The following SLC35F5 variants were observed in gnomAD, a reference collection of about 807,000 sequenced individuals.
SLC35F5 encodes HCV NS5A-transactivated protein 3.
Under a neutral mutation model 68.6 loss-of-function variants are expected in SLC35F5, and 54 were observed. The ratio of observed to expected loss-of-function variants is 0.79; its 90% CI spans 0.63 to 0.99. SLC35F5 has a LOEUF of 0.99. Ranked by LOEUF, SLC35F5 falls within the 50% of genes least tolerant of loss-of-function variation. The pLI is 0.00. For missense variants in SLC35F5, 567 were observed against 626.9 expected, an observed-to-expected ratio of 0.90 and a Z score of 1.02; for synonymous variants, 211 against 205.2, an observed-to-expected ratio of 1.03 and a Z score of -0.24.
At chr2:113,738,263 C>A (rs1390606585) in intron 7 of SLC35F5, among the ~76,000 whole-genome samples, 2 of 152,132 alleles carry the variant, frequency 1.3e-5, no homozygotes, top group Non-Finnish European at 2.9e-5. Context: ...CATTTCCCTA[C>A]CATTCTACTC....
chr2:113,704,693 CT>C (rs1686764469), downstream of SLC35F5, among the ~76,000 whole-genome samples: 1 of 151,726 alleles, frequency 6.6e-6, no homozygotes, highest in African/African-American at 2.4e-5. Context: ...CTGCCGGCCG[CT>C]CCGAGTGCGG....
intron 7 of SLC35F5, among the ~76,000 whole-genome samples, chr2:113,736,442 C>CAAA (rs761464440): frequency 0.1 from 14,605 of 146,402 alleles, 802 homozygotes; most frequent in Non-Finnish European, 0.13. Context: ...GACCATTTCT[C>CAAA]AAAAAATAAA....
Position 113,755,248 on chromosome 2 carries a change from T to C in SLC35F5, c.190A>G (p.Thr64Ala), listed in dbSNP as rs111569665. ...CCAAGAGCCATTCGCCTGCGCTGAG[T>C]GAAACCACTGTTCTGGGAATTCATT... The part of the protein sequence containing the change: ...NRMNSQNSGF[T>A]QRRRMALGIV... Residue 64 changes from threonine (T) to alanine (A), a missense_variant, in exon 3 of 16, where the codon ACT becomes GCT. Transcript: ENST00000245680. 30 of 1,614,126 alleles carry C rather than the reference T, an allele frequency of 1.9e-5. No individual in the cohort carries two copies. The highest frequency in any genetic ancestry group is 2.5e-5 in the Non-Finnish European group (29 of 1,180,024).
chr2:113,729,518 A>G lies in SLC35F5; in HGVS notation c.986-13T>C, dbSNP rs576539824. The G allele has an allele frequency of 3.4e-6, 5 of 1,455,350 alleles. No individual in the cohort carries two copies. In the African/African-American group the frequency reaches 5.6e-5, roughly 16 times the overall value. The allele number at this position is 1,455,350 out of a possible 1,614,324, so 90.2% of individuals were successfully genotyped here. The stretch of plus-strand genomic sequence containing the variant: ...GACCAAATGGAACCTGTAAAAATGG[A>G]CATGATTTAAAGCAATCACTCATTA... On this transcript the variant is annotated splice_polypyrimidine_tract_variant and intron_variant, in intron 10 of 15. Transcript: ENST00000245680.
rs1687093788 is a variant in SLC35F5 at position 113,714,207 on chromosome 2, CCTTA to C, written c.*1007_*1010del. 6.6e-6 allele frequency: 1 copy of C among 152,042 alleles called. No individual in the cohort carries two copies. Among genetic ancestry groups the C allele is most frequent in the South Asian group, 2.1e-4 (1 of 4,824 alleles). The allele number at this position is 152,042 out of a possible 1,614,324, so 9.4% of individuals were successfully genotyped here. On this transcript the variant is annotated 3_prime_UTR_variant, in exon 16 of 16. Coordinates refer to ENST00000245680, the MANE Select transcript of SLC35F5 (RefSeq NM_025181.5). The stretch of plus-strand genomic sequence containing the variant: ...ATTTTAAAAACAGAATCCCTTCTCG[CCTTA>C]CTTACTTGGTACTTTAACCATTACA...
At chr2:113,728,252 G>C (rs2104428759) in intron 11 of SLC35F5, among the ~76,000 whole-genome samples, 1 of 152,096 alleles carries the variant, frequency 6.6e-6, no homozygotes, top group South Asian at 2.1e-4. Flanking sequence ...TTAGTCTTTA[G>C]GTACAAGTAT....
chr2:113,743,268 C>T (rs1009452900), intron 6 of SLC35F5, among the ~76,000 whole-genome samples: 1 of 152,082 alleles, frequency 6.6e-6, no homozygotes, highest in African/African-American at 2.4e-5. Flanking sequence ...TGGGCAAGCA[C>T]GCAGAACAAT....
Position 113,707,928 on chromosome 2 carries a change from T to C in SLC35F5, c.*7290A>G, listed in dbSNP as rs1686845347. 6.6e-6 allele frequency among the ~76,000 whole-genome samples: 1 copy of C among 152,002 alleles called. No individual in the cohort carries two copies. Among genetic ancestry groups the C allele is most frequent in the Non-Finnish European group, 1.5e-5 (1 of 67,960 alleles). ...ATACTACAATGTATCCTGGCACTTA[T>C]TTTTTTTAAACCATTATCAGATATT... On this transcript the variant is annotated 3_prime_UTR_variant, in exon 16 of 16. Transcript: ENST00000245680.
rs147832436 is a variant in SLC35F5, at chr2:113,725,436, T to C, written c.1192A>G (p.Met398Val). The C allele has an allele frequency of 1.3e-4, 217 of 1,611,548 alleles. No homozygotes were observed. Among genetic ancestry groups the C allele is most frequent in the Non-Finnish European group, 1.7e-4 (206 of 1,179,212 alleles). Reference sequence around the variant, plus strand: ...ATAAGGCCATTAATGATAATGCACATTAATACTACTTTATTGGGAAACTCG... The same window carrying C: ...ATAAGGCCATTAATGATAATGCACACTAATACTACTTTATTGGGAAACTCG... Reference protein sequence around the residue: ...DFEFPNKVVLMCIIINGLIGT... With the variant: ...DFEFPNKVVLVCIIINGLIGT... Residue 398 changes from methionine to valine, a missense_variant, in exon 12 of 16, where the codon ATG becomes GTG. Transcript: ENST00000245680.
chr2:113,740,426 A>G (rs1435038208), intron 7 of SLC35F5, among the ~76,000 whole-genome samples: 2 of 152,216 alleles, frequency 1.3e-5, no homozygotes, highest in Admixed American at 1.3e-4. Flanking sequence ...GAAATGTACT[A>G]TGTAAATTGT....
chr2:113,755,693 A>C, intron 1 of SLC35F5, 149 bp from the exon 2 acceptor site: 1 of 1,045,836 alleles, frequency 9.6e-7, no homozygotes, highest in Non-Finnish European at 1.4e-6. Context: ...CTTTCTCAGT[A>C]CTTTCATGGT....
chr2:113,715,853 G>C (rs1425127821), intron 15 of SLC35F5, among the ~76,000 whole-genome samples: 1 of 151,944 alleles, frequency 6.6e-6, no homozygotes, highest in African/African-American at 2.4e-5. Flanking sequence ...CTGTAATTGT[G>C]TTTACGTTTT....
intron 1 of SLC35F5, 38 bp from the exon 2 acceptor site, chr2:113,755,582 A>G: frequency 1.3e-6 from 2 of 1,557,114 alleles, no homozygotes; most frequent in Non-Finnish European, 1.8e-6. Context: ...GAAAACGTGA[A>G]TAACTCAAGG....
rs1287927876 is a variant in SLC35F5 at position 113,714,129 on chromosome 2, A to G, written c.*1089T>C. ...AGGCCTAAGTTTAAGAATTGCAATTAGGAGTATTTTACATTTAATTTATAA... is the reference window on the plus strand; with the variant it reads ...AGGCCTAAGTTTAAGAATTGCAATTGGGAGTATTTTACATTTAATTTATAA... On this transcript the variant is annotated 3_prime_UTR_variant, in exon 16 of 16. Transcript: ENST00000245680. 6.6e-6 allele frequency: 1 copy of G among 152,178 alleles called. No homozygotes were observed. The highest frequency in any genetic ancestry group is 1.5e-5 in the Non-Finnish European group (1 of 68,002). 9.4% of individuals were successfully genotyped at this position (152,178 alleles called of 1,614,324 possible). A position where few individuals can be genotyped will look rare whatever the true frequency, so the allele number is the denominator to read the frequency against.
chr2:113,749,793 C>T (rs140256775), intron 4 of SLC35F5, among the ~76,000 whole-genome samples: 12 of 152,160 alleles, frequency 7.9e-5, no homozygotes, highest in African/African-American at 2.9e-4. Context: ...GTGTATTTCA[C>T]ATTATATATA....
intron 7 of SLC35F5, among the ~76,000 whole-genome samples, chr2:113,736,916 T>C (rs1346343583): frequency 6.6e-6 from 1 of 152,198 alleles, no homozygotes; most frequent in African/African-American, 2.4e-5. Context: ...TCACTGATAA[T>C]TCATCCATTT....
chr2:113,725,708 T>TAAAA, intron 11 of SLC35F5, 171 bp from the exon 12 acceptor site: 16 of 463,366 alleles, frequency 3.5e-5, no homozygotes, highest in Admixed American at 4.2e-5. Context: ...CTCAACGCCA[T>TAAAA]AGAAAAAAAA....
chr2:113,742,859 T>C lies in SLC35F5; in HGVS notation c.583A>G (p.Arg195Gly). Residue 195 changes from arginine (R) to glycine (G), a missense_variant, in exon 7 of 16, where the codon AGG (arginine) becomes GGG (glycine). Physicochemically the swap from Arg to Gly is moderately radical, Grantham distance 125. Coordinates refer to ENST00000245680, the MANE Select transcript of SLC35F5 (RefSeq NM_025181.5). ...CGAATCTCCATGATATTACTGAACC[T>C]CACACGAGACTTTTTGGGGGCTTAA... is the stretch of plus-strand genomic sequence containing the variant. ...TEKTPKKSRV[R>G]FSNIMEIRQL... 6.2e-7 allele frequency: 1 copy of C among 1,613,430 alleles called. No individual in the cohort carries two copies. Among genetic ancestry groups the C allele is most frequent in the Non-Finnish European group, 8.5e-7 (1 of 1,179,434 alleles).
intron 7 of SLC35F5, among the ~76,000 whole-genome samples, chr2:113,741,081 T>C (rs1676254581): frequency 6.6e-6 from 1 of 152,204 alleles, no homozygotes; most frequent in South Asian, 2.1e-4. Flanking sequence ...ATCTGTACAA[T>C]GAAATATTAT....
Sources: allele counts gnomAD v4.1 joint callset (sites outside exome capture counted in the v4.1 genomes callset), GRCh38; gene constraint gnomAD v4.1.1; transcripts MANE v1.5; gene names NCBI Gene and HGNC (gene_info 2026-07-23, HGNC 2026-07-21).